ARSG: variants seen among roughly 807,000 people sequenced by gnomAD.
The protein encoded by ARSG is ASG.
A neutral mutation model predicts 50.5 loss-of-function variants in ARSG; 37 were observed. The ratio of observed to expected loss-of-function variants is 0.73; its 90% CI spans 0.56 to 0.96. The LOEUF (loss-of-function observed/expected upper bound fraction) is 0.96. ARSG is among the 50% of genes least tolerant of loss of function. The probability of loss-of-function intolerance (pLI) is 0.00; values close to 1 mark genes in which losing one functional copy is unlikely to be tolerated. For synonymous variants in ARSG, 225 were observed against 254.6 expected, an observed-to-expected ratio of 0.88 and a Z score of 1.11; for missense variants, 629 against 675.3, an observed-to-expected ratio of 0.93 and a Z score of 0.76.
In ARSG at chr17:68,307,470, A is replaced by G. The variant is rs782107626; in HGVS notation, c.-24A>G. ...AGTGGTGGCTGCCGTCGCTCCAGAC[A>G]ATCGGAATCCTGCCTTCACCACCAT... On this transcript the variant is annotated 5_prime_UTR_variant, in exon 2 of 12. Coordinates refer to ENST00000621439, the MANE Select transcript of ARSG (RefSeq NM_001267727.2). 8 of 1,594,864 alleles carry G rather than the reference A, an allele frequency of 5.0e-6. No individual in the cohort carries two copies. In the East Asian group the frequency reaches 1.6e-4, roughly 31 times the overall value.
At chr17:68,403,929 A>G (rs1041319274) in intron 11 of ARSG, among the ~76,000 whole-genome samples, 2 of 151,768 alleles carry the variant, frequency 1.3e-5, no homozygotes, top group African/African-American at 2.4e-5. Context: ...TCATTGTTCA[A>G]TTCCCACCTA....
At position 68,420,216 on chromosome 17, in the gene ARSG, C is replaced by T. The variant is rs62000424; in HGVS notation, c.1331C>T (p.Thr444Met). The change falls in exon 12 of 12, where the codon ACG (threonine) becomes ATG (methionine). Residue 444 changes from threonine (T) to methionine (M), a missense_variant. By Grantham distance (81) the Thr-to-Met change is moderately conservative. Transcript: ENST00000621439. ...GGAGCCAGGGCGTGTGATGGGAGCA[C>T]GGGGCCTGAGCTGCAGCATAAGTTT... ...TGGARACDGSTGPELQHKFPL... is the reference protein window; with the variant it reads ...TGGARACDGSMGPELQHKFPL... The T allele has an allele frequency of 0.15, 237,233 of 1,613,876 alleles. 18,593 individuals carry two copies. Among genetic ancestry groups the T allele is most frequent in the Non-Finnish European group, 0.16 (188,143 of 1,179,928 alleles).
intron 1 of ARSG, among the ~76,000 whole-genome samples, chr17:68,293,613 T>C (rs2076100371): frequency 6.6e-6 from 1 of 152,208 alleles, no homozygotes; most frequent in Admixed American, 6.5e-5. Context: ...TTAAGTGCCA[T>C]ACATGTAATG....
At chr17:68,437,003 A>ATATAT in the ARSG span, among the ~76,000 whole-genome samples, 2 of 60,332 alleles carry the variant, frequency 3.3e-5, no homozygotes, top group Non-Finnish European at 8.0e-5. Context: ...CAAAAAAAAA[A>ATATAT]AAATATATAT....
chr17:68,385,604 A>G (rs963703389), intron 9 of ARSG, among the ~76,000 whole-genome samples: 1 of 150,024 alleles, frequency 6.7e-6, no homozygotes, highest in African/African-American at 2.5e-5. Context: ...GAAACAGTGA[A>G]GTGGGACTCG....
intron 8 of ARSG, among the ~76,000 whole-genome samples, chr17:68,372,234 ATCTG>A (rs1221766333): frequency 2.0e-5 from 3 of 152,134 alleles, no homozygotes; most frequent in South Asian, 2.1e-4. Flanking sequence ...AAAAAGGTCT[ATCTG>A]TCTGTCTGTC....
At chr17:68,328,607 C>T (rs1263838974) in intron 2 of ARSG, among the ~76,000 whole-genome samples, 4 of 152,172 alleles carry the variant, frequency 2.6e-5, no homozygotes, top group African/African-American at 9.7e-5. Flanking sequence ...GCTGTAGCTC[C>T]CCAGCTAGCT....
chr17:68,301,984 G>A (rs1264657815), intron 1 of ARSG, among the ~76,000 whole-genome samples: 3 of 151,994 alleles, frequency 2.0e-5, no homozygotes, highest in African/African-American at 7.3e-5. Context: ...TGTTCTTCAC[G>A]CTATTTACAT....
chr17:68,380,943 T>C (rs1239187005), intron 8 of ARSG, among the ~76,000 whole-genome samples: 1 of 152,146 alleles, frequency 6.6e-6, no homozygotes, highest in African/African-American at 2.4e-5. Flanking sequence ...ATTCCTTGAA[T>C]ACTTCTTCAA....
At chr17:68,319,954 C>G (rs1408552647) in intron 2 of ARSG, among the ~76,000 whole-genome samples, 1 of 152,230 alleles carries the variant, frequency 6.6e-6, no homozygotes, top group Non-Finnish European at 1.5e-5. Context: ...GGCTTCTCAC[C>G]TTTTAGGTGA....
At chr17:68,302,333 A>T (rs1449085490) in intron 1 of ARSG, among the ~76,000 whole-genome samples, 1 of 152,044 alleles carries the variant, frequency 6.6e-6, no homozygotes, top group Non-Finnish European at 1.5e-5. Flanking sequence ...GGCTCATCAG[A>T]TGCTTTTGTC....
rs561760513 is a variant in ARSG, at chr17:68,401,106, G to A, written c.1213-254G>A. 8.7e-4 allele frequency: 406 copies of A among 465,714 alleles called. 2 individuals carry two copies. Among genetic ancestry groups the A allele is most frequent in the Middle Eastern group, 3.6e-3 (6 of 1,674 alleles). The allele number at this position is 465,714 out of a possible 1,614,324, so 28.8% of individuals were successfully genotyped here. On this transcript the variant is annotated intron_variant, in intron 10 of 11. Transcript: ENST00000621439. ...TGGTATGATCATAGCTCACTGCAGCGTTGACCTCCCAGGCTCAAACAATCC... is the reference window on the plus strand; with the variant it reads ...TGGTATGATCATAGCTCACTGCAGCATTGACCTCCCAGGCTCAAACAATCC...
At chr17:68,331,751 A>C (rs1437515462) in intron 2 of ARSG, among the ~76,000 whole-genome samples, 1 of 152,204 alleles carries the variant, frequency 6.6e-6, no homozygotes, top group East Asian at 1.9e-4. Context: ...AATAAAGGGA[A>C]AGAGTACAAA....
chr17:68,268,768 TC>T (rs1362946569), intron 1 of ARSG: 1 of 271,300 alleles, frequency 3.7e-6, no homozygotes, highest in African/African-American at 2.2e-5. Flanking sequence ...CTTTGCCAGT[TC>T]ATGTCACTAT....
rs930015160 is a variant in ARSG, at chr17:68,378,577, G to A, written c.983-6487G>A. Among the ~76,000 whole-genome samples, 4 of 152,136 alleles carry A rather than the reference G, an allele frequency of 2.6e-5. No individual in the cohort carries two copies. Among genetic ancestry groups the A allele is most frequent in the African/African-American group, 4.8e-5 (2 of 41,444 alleles). ...GCCTTCTCCCGAAGAAGAAGGGCACGAGTCAGACACCCCTGCTGTCTCTGA... is the reference window on the plus strand; with the variant it reads ...GCCTTCTCCCGAAGAAGAAGGGCACAAGTCAGACACCCCTGCTGTCTCTGA... On this transcript the variant is annotated intron_variant, in intron 8 of 11. Transcript: ENST00000621439. This position sits in a 1 kb window ranked among gnomAD's most constrained non-coding sequence, Gnocchi z 4.4.
In ARSG at chr17:68,271,466, G is replaced by T. The variant is rs782448073; in HGVS notation, c.-552+12040G>T. 5.0e-6 allele frequency: 8 copies of T among 1,613,976 alleles called. No individual in the cohort carries two copies. The East Asian group carries it at 1.3e-4, about 27-fold the overall frequency. On this transcript the variant is annotated intron_variant, in intron 1 of 11. Coordinates refer to the ARSG transcript ENST00000448504. This position sits in a 1 kb window ranked among gnomAD's most constrained non-coding sequence, Gnocchi z 5.3. ...GAGTCAATGGAGTCTATTGAGGTTCGTGTTTTCTCATTTTCAAGCATATAC... is the reference window on the plus strand; with the variant it reads ...GAGTCAATGGAGTCTATTGAGGTTCTTGTTTTCTCATTTTCAAGCATATAC...
chr17:68,403,015 GC>G (rs1333906563), intron 11 of ARSG, among the ~76,000 whole-genome samples: 1 of 152,156 alleles, frequency 6.6e-6, no homozygotes, highest in East Asian at 1.9e-4. Context: ...TAATGTTGGA[GC>G]TTTTCAAATT....
At chr17:68,434,611 C>A in the ARSG span, 22 of 1,614,036 alleles carry the variant, frequency 1.4e-5, no homozygotes, top group Non-Finnish European at 1.8e-5. Context: ...ACAGAGAACA[C>A]CCGGATGACT....
chr17:68,356,353 T>C (rs1183230034), intron 5 of ARSG, among the ~76,000 whole-genome samples: 2 of 152,156 alleles, frequency 1.3e-5, no homozygotes, highest in Non-Finnish European at 1.5e-5. Flanking sequence ...CTTGACATCA[T>C]TTAGGTTCTT....
Sources: gnomAD v4.1 joint callset for allele counts (sites outside exome capture counted in the v4.1 genomes callset) on GRCh38, gnomAD v4.1.1 for gene constraint, Gnocchi (gnomAD v3.1) non-coding constraint, MANE v1.5 for transcripts, NCBI Gene and HGNC (gene_info 2026-07-23, HGNC 2026-07-21) for gene names.